SFXN5: variants seen among roughly 807,000 people sequenced by gnomAD.
SFXN5 encodes the protein sideroflexin 5.
A neutral mutation model predicts 50.2 loss-of-function variants in SFXN5; 43 were observed. The observed-to-expected ratio is 0.86, with a 90% confidence interval of 0.67 to 1.11. The LOEUF (loss-of-function observed/expected upper bound fraction) is 1.11, where lower values mean the gene tolerates loss of function less well. Among genes scored for constraint, SFXN5 ranks in the 50% least tolerant of loss-of-function variants. SFXN5 has a pLI of 0.00. For missense variants in SFXN5, 463 were observed against 454.1 expected, an observed-to-expected ratio of 1.02 and a Z score of -0.18; for synonymous variants, 203 against 185.8, an observed-to-expected ratio of 1.09 and a Z score of -0.75.
At chr2:73,068,000 C>T (rs1272807765) in intron 1 of SFXN5, among the ~76,000 whole-genome samples, 20 of 152,188 alleles carry the variant, frequency 1.3e-4, no homozygotes, top group Admixed American at 1.3e-3. Flanking sequence ...GCTTGGCTAT[C>T]GTCACCATCT....
At chr2:72,982,375 A>G (rs1355050106) in intron 10 of SFXN5, among the ~76,000 whole-genome samples, 2 of 152,244 alleles carry the variant, frequency 1.3e-5, no homozygotes, top group African/African-American at 4.8e-5. Context: ...AAAGTGGAAA[A>G]GGTCCAGAAT....
chr2:73,008,662 C>T (rs1246598909), intron 6 of SFXN5, among the ~76,000 whole-genome samples: 1 of 152,172 alleles, frequency 6.6e-6, no homozygotes, highest in Non-Finnish European at 1.5e-5. Context: ...AGCAACCACG[C>T]TGGCGGGTTT....
intron 2 of SFXN5, among the ~76,000 whole-genome samples, chr2:73,042,035 C>A (rs1194958342): frequency 6.6e-6 from 1 of 152,076 alleles, no homozygotes; most frequent in African/African-American, 2.4e-5. Context: ...TATATATTTT[C>A]AACATTTTAA....
At chr2:73,062,564 G>C (rs115988131) in intron 1 of SFXN5, among the ~76,000 whole-genome samples, 2 of 152,040 alleles carry the variant, frequency 1.3e-5, no homozygotes, top group African/African-American at 4.8e-5. Context: ...TGTCACTTTC[G>C]ACCATAGCTA....
At chr2:72,988,108 G>C in intron 10 of SFXN5, 150 bp downstream of exon 10, 1 of 670,772 alleles carries the variant, frequency 1.5e-6, no homozygotes. Context: ...CCATGGTCTT[G>C]TCTTTTAGCT....
intron 9 of SFXN5, among the ~76,000 whole-genome samples, chr2:72,995,373 T>C (rs1196786334): frequency 6.6e-6 from 1 of 152,238 alleles, no homozygotes. Flanking sequence ...CAAATCTATT[T>C]AGAAGGTTCA....
chr2:72,974,725 C>A (rs1229178667), intron 10 of SFXN5, among the ~76,000 whole-genome samples: 1 of 152,182 alleles, frequency 6.6e-6, no homozygotes, highest in Non-Finnish European at 1.5e-5. Context: ...TTTCCATGAG[C>A]TCATCCCAAA....
intron 8 of SFXN5, among the ~76,000 whole-genome samples, chr2:73,000,148 C>T (rs970717164): frequency 2.6e-5 from 4 of 152,196 alleles, no homozygotes; most frequent in African/African-American, 2.4e-5. Context: ...GAAAGCCAGC[C>T]GAACTCATCC....
At chr2:73,020,048 A>C in intron 6 of SFXN5, 191 bp downstream of exon 6, 1 of 584,264 alleles carries the variant, frequency 1.7e-6, no homozygotes, top group Non-Finnish European at 3.0e-6. Context: ...CAGGCTTTTT[A>C]TGAAAAGAGG....
At chr2:73,070,469 A>G (rs1327928865) in intron 1 of SFXN5, 1 of 152,100 alleles carries the variant, frequency 6.6e-6, no homozygotes, top group Non-Finnish European at 1.5e-5. Context: ...CCTTAGCACA[A>G]TTTCCTTTCT....
chr2:72,978,514 C>T (rs1025510247), intron 10 of SFXN5, among the ~76,000 whole-genome samples: 2 of 152,048 alleles, frequency 1.3e-5, no homozygotes, highest in African/African-American at 2.4e-5. Flanking sequence ...AACTCCTGAC[C>T]TCAGGTGATC....
intron 10 of SFXN5, among the ~76,000 whole-genome samples, chr2:72,985,823 T>C (rs944779578): frequency 2.6e-5 from 4 of 152,158 alleles, no homozygotes; most frequent in African/African-American, 9.7e-5. Context: ...CACTGGAGTC[T>C]GAAGAGGGGC....
intron 10 of SFXN5, among the ~76,000 whole-genome samples, chr2:72,985,679 G>T (rs1395604310): frequency 1.3e-5 from 2 of 152,162 alleles, no homozygotes; most frequent in East Asian, 1.9e-4. Context: ...CCTGGATCCC[G>T]CAAGCAAGGA....
chr2:72,978,417 C>T (rs902208655), intron 10 of SFXN5, among the ~76,000 whole-genome samples: 5 of 151,412 alleles, frequency 3.3e-5, no homozygotes, highest in Non-Finnish European at 7.4e-5. Flanking sequence ...CAAGTAGCTG[C>T]AATTACAGGC....
At chr2:73,065,582 A>T (rs911014790) in intron 1 of SFXN5, among the ~76,000 whole-genome samples, 19 of 152,180 alleles carry the variant, frequency 1.2e-4, no homozygotes, top group African/African-American at 4.6e-4. Flanking sequence ...TATTTTGTAG[A>T]GACAGGGTTT....
chr2:73,047,309 G>A lies in SFXN5; in HGVS notation c.172-6378C>T, dbSNP rs1470521581. 7.9e-4 allele frequency among the ~76,000 whole-genome samples: 46 copies of A among 57,926 alleles called. 1 individual carries two copies. Among genetic ancestry groups the A allele is most frequent in the African/African-American group, 2.5e-3 (42 of 17,098 alleles). The allele number at this position is 57,926 out of a possible 152,430, so 38.0% of individuals were successfully genotyped here. ...ATATATATATATATAAAATATATAT[G>A]TGTGTGTATGTATATATATGTGTAT... On this transcript the variant is annotated intron_variant, in intron 2 of 13. Transcript: ENST00000272433.
chr2:72,954,013 A>C (rs560932146), intron 13 of SFXN5, among the ~76,000 whole-genome samples: 1 of 152,258 alleles, frequency 6.6e-6, no homozygotes, highest in East Asian at 1.9e-4. Context: ...TGAAAGCTGT[A>C]AGTGGGGAGG....
chr2:72,967,985 T>C (rs1242385226), intron 12 of SFXN5, among the ~76,000 whole-genome samples: 1 of 152,160 alleles, frequency 6.6e-6, no homozygotes, highest in Admixed American at 6.5e-5. Context: ...GCAGAGAAAC[T>C]GAGGCTCAGT....
At chr2:73,054,881 T>C (rs1189845409) in intron 2 of SFXN5, among the ~76,000 whole-genome samples, 3 of 152,380 alleles carry the variant, frequency 2.0e-5, no homozygotes, top group Non-Finnish European at 2.9e-5. Context: ...CAACTTTTTA[T>C]GTAATTGCAT....
Sources: gnomAD v4.1 joint callset for allele counts (sites outside exome capture counted in the v4.1 genomes callset) on GRCh38, gnomAD v4.1.1 for gene constraint, MANE v1.5 for transcripts, NCBI Gene and HGNC (gene_info 2026-07-23, HGNC 2026-07-21) for gene names.